TRMO: variants seen among roughly 807,000 people sequenced by gnomAD.
TRMO encodes the protein tRNA methyltransferase O, also known as tRNA (adenine(37)-N6)-methyltransferase.
A neutral mutation model predicts 37.2 loss-of-function variants in TRMO; 30 were observed. The ratio of observed to expected loss-of-function variants is 0.81; its 90% confidence interval spans 0.60 to 1.09. TRMO has a LOEUF of 1.09. Among genes scored for constraint, TRMO ranks in the 50% least tolerant of loss-of-function variants. The probability of loss-of-function intolerance (pLI) is 0.00; values close to 1 mark genes in which losing one functional copy is unlikely to be tolerated. For synonymous variants in TRMO, 239 were observed against 199.4 expected (o/e 1.20, Z -1.67); for missense variants, 552 against 549.5 (o/e 1.00, Z -0.05).
intron 1 of TRMO, 104 bp from the exon 2 acceptor site, chr9:97,916,442 A>G (rs1024563663): frequency 1.3e-6 from 1 of 762,086 alleles, no homozygotes; most frequent in African/African-American, 1.8e-5. Flanking sequence ...TTAAAATCTT[A>G]GTGTCGTGCA....
intron 4 of TRMO, among the ~76,000 whole-genome samples, chr9:97,906,788 G>A (rs1825871519): frequency 6.8e-6 from 1 of 147,538 alleles, no homozygotes; most frequent in Non-Finnish European, 1.5e-5. Context: ...GTTGCGGTGA[G>A]CCGAGATCGC....
At chr9:97,898,837 A>ATTTTT in the TRMO span, among the ~76,000 whole-genome samples, 4 of 47,620 alleles carry the variant, frequency 8.4e-5, no homozygotes, top group Admixed American at 2.1e-4. Context: ...ATATATATAT[A>ATTTTT]CTTTTTTTTT....
chr9:97,901,824 G>A (rs1032957170), downstream of TRMO, among the ~76,000 whole-genome samples: 1 of 151,530 alleles, frequency 6.6e-6, no homozygotes, highest in Non-Finnish European at 1.5e-5. Context: ...CAGACAGACA[G>A]CTTGTTTCAA....
At chr9:97,914,769 A>G (rs920080491) in intron 2 of TRMO, among the ~76,000 whole-genome samples, 1 of 152,220 alleles carries the variant, frequency 6.6e-6, no homozygotes, top group Non-Finnish European at 1.5e-5. Flanking sequence ...TAAAAAAAGC[A>G]AATACCCACT....
In TRMO at chr9:97,909,976, C is replaced by T. The variant is rs561846135; in HGVS notation, c.1050G>A (p.Gly350=). Residue 350 remains glycine (G), a synonymous_variant, in exon 4 of 5, where the codon GGG becomes GGA. Transcript: ENST00000375119. ...RFTPHAEMDL[G]QLSSQDVGQA... ...TGAAGATACCTTGTGAACTGAGCTG[C>T]CCAAGGTCCATCTCGGCATGAGGAG... 7 of 1,547,254 alleles carry T rather than the reference C, an allele frequency of 4.5e-6. No individual in the cohort carries two copies. Among genetic ancestry groups the T allele is most frequent in the Non-Finnish European group, 6.1e-6 (7 of 1,147,772 alleles).
the TRMO span, among the ~76,000 whole-genome samples, chr9:97,899,041 C>G: frequency 6.6e-6 from 1 of 151,470 alleles, no homozygotes; most frequent in Non-Finnish European, 1.5e-5. Flanking sequence ...GGTTTCACCA[C>G]GTTAGCCAGG....
In TRMO at chr9:97,913,122, C is replaced by G. The variant is rs1395562094; in HGVS notation, c.409+279G>C. On this transcript the variant is annotated intron_variant, in intron 3 of 4. Transcript: ENST00000375119. Reference sequence around the variant, plus strand: ...TTCCAAGTCAGAGAAACTTTGGTTACTAATTTAATGATTGTGAAATTTGTG... The same window carrying G: ...TTCCAAGTCAGAGAAACTTTGGTTAGTAATTTAATGATTGTGAAATTTGTG... The G allele has an allele frequency of 1.5e-5, 7 of 465,974 alleles. 1 individual carries two copies. The highest frequency in any genetic ancestry group is 2.8e-5 in the Non-Finnish European group (7 of 253,320). The allele number at this position is 465,974 out of a possible 1,614,324, so 28.9% of individuals were successfully genotyped here.
intron 1 of TRMO, among the ~76,000 whole-genome samples, chr9:97,918,256 T>C (rs1587842379): frequency 1.3e-5 from 2 of 149,528 alleles, no homozygotes; most frequent in Non-Finnish European, 1.5e-5. Context: ...CCAGGCATGG[T>C]GGTGCATGCC....
At chr9:97,919,240 C>A in intron 1 of TRMO, among the ~76,000 whole-genome samples, 1 of 151,222 alleles carries the variant, frequency 6.6e-6, no homozygotes, top group African/African-American at 2.4e-5. Context: ...GATAAATGGC[C>A]AAAAAAGACC....
At chr9:97,915,441 C>T (rs1485584100) in intron 2 of TRMO, among the ~76,000 whole-genome samples, 1 of 152,206 alleles carries the variant, frequency 6.6e-6, no homozygotes, top group Non-Finnish European at 1.5e-5. Flanking sequence ...ATGGATATGA[C>T]TTTGTTCCCA....
At chr9:97,900,060 A>G (rs559089072), downstream of TRMO, among the ~76,000 whole-genome samples, 1 of 152,050 alleles carries the variant, frequency 6.6e-6, no homozygotes, top group East Asian at 1.9e-4. Context: ...GCCTCAAAAA[A>G]CAAAACAAAA....
downstream of TRMO, among the ~76,000 whole-genome samples, chr9:97,900,040 G>C (rs1319982894): frequency 2.0e-5 from 3 of 152,158 alleles, no homozygotes; most frequent in African/African-American, 7.2e-5. Flanking sequence ...CTGGGCAATA[G>C]AGCAAGACTG....
intron 1 of TRMO, among the ~76,000 whole-genome samples, chr9:97,919,363 A>G (rs1198573196): frequency 6.6e-6 from 1 of 150,530 alleles, no homozygotes; most frequent in African/African-American, 2.4e-5. Context: ...CAAAGAGAAG[A>G]AAAAAAAAAG....
intron 4 of TRMO, among the ~76,000 whole-genome samples, chr9:97,905,642 T>C (rs1175827887): frequency 1.3e-5 from 2 of 152,146 alleles, no homozygotes; most frequent in African/African-American, 4.8e-5. Flanking sequence ...TGTGACCTAG[T>C]TTTTCATAAC....
In TRMO at chr9:97,922,463, G is replaced by T; in HGVS notation, c.31C>A (p.Pro11Thr). 1 of 1,588,066 alleles carries T rather than the reference G, an allele frequency of 6.3e-7. No individual in the cohort carries two copies. The change falls in exon 1 of 5, where the codon CCT becomes ACT. Residue 11 changes from proline (P) to threonine (T), a missense_variant. Physicochemically the swap from Pro to Thr is conservative, Grantham distance 38. Transcript: ENST00000375119. ...ACGCAGCCGCACGGGGTCGCTGTAGGCCGAGGCCCCGACTCCTCCAAGCCG... is the reference window on the plus strand; with the variant it reads ...ACGCAGCCGCACGGGGTCGCTGTAGTCCGAGGCCCCGACTCCTCCAAGCCG... MRGLEESGPRPTATPCGCVKP... is the reference protein window; with the variant it reads MRGLEESGPRTTATPCGCVKP...
downstream of TRMO, among the ~76,000 whole-genome samples, chr9:97,900,965 G>A (rs1349526759): frequency 6.6e-6 from 1 of 152,076 alleles, no homozygotes; most frequent in East Asian, 1.9e-4. Context: ...CACCCCTGAA[G>A]CCAAGCTTAC....
At chr9:97,915,473 G>C (rs1826313223) in intron 2 of TRMO, among the ~76,000 whole-genome samples, 1 of 152,082 alleles carries the variant, frequency 6.6e-6, no homozygotes, top group East Asian at 1.9e-4. Context: ...TACAAAAATG[G>C]GCCATAGTTT....
At chr9:97,918,370 G>A (rs1251699957) in intron 1 of TRMO, among the ~76,000 whole-genome samples, 1 of 147,524 alleles carries the variant, frequency 6.8e-6, no homozygotes, top group African/African-American at 2.5e-5. Flanking sequence ...CAACCTAGGT[G>A]AGCGAGACTC....
At chr9:97,920,847 GCTAA>G (rs1475693091) in intron 1 of TRMO, among the ~76,000 whole-genome samples, 1 of 152,106 alleles carries the variant, frequency 6.6e-6, no homozygotes, top group Non-Finnish European at 1.5e-5. Flanking sequence ...CTTGTGTTAT[GCTAA>G]CTCTTTAACT....
Sources: gnomAD v4.1 joint callset for allele counts (sites outside exome capture counted in the v4.1 genomes callset) on GRCh38, gnomAD v4.1.1 for gene constraint, MANE v1.5 for transcripts, NCBI Gene and HGNC (gene_info 2026-07-23, HGNC 2026-07-21) for gene names.